The following ZNF83 variants were observed in gnomAD, a reference collection of about 807,000 sequenced individuals.
ZNF83 encodes the protein zinc finger protein 816B.
For synonymous variants in ZNF83, 209 were observed against 213.0 expected, an observed-to-expected ratio of 0.98 and a Z score of 0.17; for missense variants, 552 against 629.9, an observed-to-expected ratio of 0.88 and a Z score of 1.32.
rs1434228707 is a variant in ZNF83 at position 52,687,630 on chromosome 19, A to AT, written c.-283+2812_-283+2813insA. On this transcript the variant is annotated intron_variant, in intron 1 of 5. Coordinates refer to the ZNF83 transcript ENST00000594682. ...ATATATAATGTGTATATATATATAT[A>AT]ATGTATATATATATATATATATATA... Among the ~76,000 whole-genome samples, 7 of 12,768 alleles carry AT rather than the reference A, an allele frequency of 5.5e-4. 1 individual carries two copies. The highest frequency in any genetic ancestry group is 1.6e-3 in the African/African-American group (3 of 1,928). The allele number at this position is 12,768 out of a possible 152,430, so 8.4% of individuals were successfully genotyped here.
intron 2 of ZNF83, among the ~76,000 whole-genome samples, chr19:52,623,288 C>T (rs1350721136): frequency 6.6e-6 from 1 of 152,024 alleles, no homozygotes; most frequent in Non-Finnish European, 1.5e-5. Flanking sequence ...GTAACTCTTA[C>T]AGTGGGGCGT....
At chr19:52,633,010 C>A (rs1451335815) in intron 2 of ZNF83, among the ~76,000 whole-genome samples, 1 of 152,126 alleles carries the variant, frequency 6.6e-6, no homozygotes, top group Non-Finnish European at 1.5e-5. Context: ...ACCACTATTT[C>A]GTTTTATTTT....
At chr19:52,674,246 T>C (rs1384218356) in intron 1 of ZNF83, 2 of 152,202 alleles carry the variant, frequency 1.3e-5, no homozygotes, top group East Asian at 1.9e-4. Context: ...CCTGTCATCA[T>C]AGAAACCCTA....
chr19:52,629,990 G>A (rs191376390), intron 2 of ZNF83, among the ~76,000 whole-genome samples: 13 of 151,684 alleles, frequency 8.6e-5, no homozygotes, highest in African/African-American at 1.5e-4. Context: ...ACTTCCAAAC[G>A]CCTGAACCAC....
chr19:52,655,516 T>G, intron 3 of ZNF83: 1 of 1,429,768 alleles, frequency 7.0e-7, no homozygotes, highest in Non-Finnish European at 9.7e-7. Context: ...AGAGCCAAGA[T>G]AGACAAGGGC....
At chr19:52,678,357 G>C (rs566434647) in intron 1 of ZNF83, among the ~76,000 whole-genome samples, 3 of 150,926 alleles carry the variant, frequency 2.0e-5, no homozygotes, top group African/African-American at 7.3e-5. Flanking sequence ...GGCTGAGGCA[G>C]GAGAATCACT....
chr19:52,639,512 G>T (rs1183099176), upstream of ZNF83, among the ~76,000 whole-genome samples: 1 of 141,168 alleles, frequency 7.1e-6, no homozygotes, highest in Non-Finnish European at 1.5e-5. Context: ...CTGCCTCCTG[G>T]GTTGAACCGA....
intron 1 of ZNF83, among the ~76,000 whole-genome samples, chr19:52,681,184 C>A (rs902306230): frequency 9.0e-5 from 13 of 144,112 alleles, no homozygotes; most frequent in African/African-American, 3.3e-4. Context: ...ACACAGGAAG[C>A]TGAGGTAGGA....
At chr19:52,670,188 C>T (rs1003691934) in intron 1 of ZNF83, among the ~76,000 whole-genome samples, 2 of 152,040 alleles carry the variant, frequency 1.3e-5, no homozygotes, top group Non-Finnish European at 2.9e-5. Flanking sequence ...CACCTTGACT[C>T]ATTCTGATCA....
At chr19:52,664,857 T>C (rs1011477738) in intron 1 of ZNF83, among the ~76,000 whole-genome samples, 3 of 152,036 alleles carry the variant, frequency 2.0e-5, no homozygotes, top group Non-Finnish European at 4.4e-5. Flanking sequence ...GTTTCTGTTT[T>C]CCAGGTTTTG....
chr19:52,645,424 A>T (rs1351097071), intron 3 of ZNF83, among the ~76,000 whole-genome samples: 1 of 152,242 alleles, frequency 6.6e-6, no homozygotes, highest in Non-Finnish European at 1.5e-5. Context: ...ACATACATGT[A>T]CAGAAAAAAA....
intron 1 of ZNF83, among the ~76,000 whole-genome samples, chr19:52,676,049 C>A (rs2061797497): frequency 6.6e-6 from 1 of 152,140 alleles, no homozygotes; most frequent in Admixed American, 6.5e-5. Flanking sequence ...CTCGCTCTCC[C>A]TCTCCCTCTC....
chr19:52,679,789 G>C (rs957572078), intron 1 of ZNF83, among the ~76,000 whole-genome samples: 1 of 152,068 alleles, frequency 6.6e-6, no homozygotes, highest in African/African-American at 2.4e-5. Context: ...TGAATTTTCT[G>C]TTTTTATGCA....
rs1600212537 is a variant in ZNF83 at position 52,638,310 on chromosome 19, A to T, written c.-322+2T>A. The T allele has an allele frequency of 7.0e-6, 1 of 142,756 alleles. No individual in the cohort carries two copies. Among genetic ancestry groups the T allele is most frequent in the Non-Finnish European group, 1.6e-5 (1 of 64,146 alleles). 8.8% of individuals were successfully genotyped at this position (142,756 alleles called of 1,614,324 possible). On this transcript the variant is annotated splice_donor_variant, in intron 1 of 2. Coordinates refer to ENST00000301096, the Ensembl canonical transcript of ZNF83. LOFTEE classifies it low-confidence loss of function (5UTR_SPLICE). ...CAGACTTAATAGAAGAGCGAAACTC[A>T]CCGCCACGGTGTAACTTTCACTCCA...
At chr19:52,680,239 G>A (rs929792709) in intron 1 of ZNF83, among the ~76,000 whole-genome samples, 18 of 152,056 alleles carry the variant, frequency 1.2e-4, no homozygotes, top group Admixed American at 5.2e-4. Context: ...ACATAACCAG[G>A]CAGAGCCAAG....
chr19:52,631,282 C>T (rs569844317), intron 2 of ZNF83, among the ~76,000 whole-genome samples: 4 of 152,120 alleles, frequency 2.6e-5, no homozygotes, highest in Admixed American at 1.3e-4. Flanking sequence ...CAATCCCTTA[C>T]AAAACAACAA....
chr19:52,687,511 A>T lies in ZNF83; in HGVS notation c.-283+2932T>A, dbSNP rs1226732564. ...TATAATTTATATAGATATATAAATTATATATAAATTTTATATATAAATTAT... is the reference window on the plus strand; with the variant it reads ...TATAATTTATATAGATATATAAATTTTATATAAATTTTATATATAAATTAT... On this transcript the variant is annotated intron_variant, in intron 1 of 5. Coordinates refer to the ZNF83 transcript ENST00000594682. Among the ~76,000 whole-genome samples the T allele has an allele frequency of 2.0e-4, 16 of 80,404 alleles. 3 individuals carry two copies. The Admixed American group carries it at 2.4e-3, about 12-fold the overall frequency. 52.7% of individuals were successfully genotyped at this position (80,404 alleles called of 152,430 possible). A position where few individuals can be genotyped will look rare whatever the true frequency, so the allele number is the denominator to read the frequency against.
chr19:52,640,534 TTTTG>T (rs1475241473), upstream of ZNF83, among the ~76,000 whole-genome samples: 1 of 152,140 alleles, frequency 6.6e-6, no homozygotes. Context: ...GAAAACTCTT[TTTTG>T]TTTTTCTTTG....
At chr19:52,631,407 T>A (rs1429294519) in intron 2 of ZNF83, among the ~76,000 whole-genome samples, 2 of 152,212 alleles carry the variant, frequency 1.3e-5, no homozygotes, top group Non-Finnish European at 2.9e-5. Flanking sequence ...AGGCTGGCCA[T>A]GATGTCTGCG....
Sources: allele counts gnomAD v4.1 joint callset (sites outside exome capture counted in the v4.1 genomes callset), GRCh38; gene constraint gnomAD v4.1.1; transcripts MANE v1.5; gene names NCBI Gene and HGNC (gene_info 2026-07-23, HGNC 2026-07-21).